Variants in NFIC observed in about 807,000 individuals in gnomAD.
NFIC encodes the protein nuclear factor I C.
NFIC carries 12 observed loss-of-function variants against 54.4 expected under a neutral mutation model. That is an observed-to-expected ratio of 0.22 (90% CI 0.14 to 0.36). NFIC has a LOEUF of 0.36. Among genes scored for constraint, NFIC ranks in the 10% least tolerant of loss-of-function variants. NFIC has a pLI of 1.00. For missense variants in NFIC, 575 were observed against 718.2 expected (o/e 0.80, Z 2.28); for synonymous variants, 322 against 319.2 (o/e 1.01, Z -0.09).
At chr19:3,451,509 C>G (rs915253658) in intron 7 of NFIC, among the ~76,000 whole-genome samples, 1 of 151,716 alleles carries the variant, frequency 6.6e-6, no homozygotes, top group Admixed American at 6.6e-5. Context: ...TGGCACACGC[C>G]GGCAGTCCGT....
intron 1 of NFIC, among the ~76,000 whole-genome samples, chr19:3,380,790 C>T (rs1300875958): frequency 6.6e-6 from 1 of 151,968 alleles, no homozygotes; most frequent in African/African-American, 2.4e-5. Flanking sequence ...AACCACCATA[C>T]CTGGCTAATT....
In NFIC at chr19:3,434,452, C is replaced by T. The variant is rs756633217; in HGVS notation, c.833+52C>T. On this transcript the variant is annotated intron_variant, in intron 5 of 10. Coordinates refer to ENST00000443272, the MANE Select transcript of NFIC (RefSeq NM_001245002.2). Reference sequence around the variant, plus strand: ...GCATTTCATGACCCCATTCATCAACCCATCCCCTCTGGCCCGAGCTGACTC... The same window carrying T: ...GCATTTCATGACCCCATTCATCAACTCATCCCCTCTGGCCCGAGCTGACTC... 11 of 1,542,920 alleles carry T rather than the reference C, an allele frequency of 7.1e-6. No individual in the cohort carries two copies. In the African/African-American group the frequency reaches 1.4e-4, roughly 19 times the overall value.
At chr19:3,381,395 CAAAAA>C (rs71164686) in intron 1 of NFIC, among the ~76,000 whole-genome samples, 1 of 100,924 alleles carries the variant, frequency 9.9e-6, no homozygotes. Context: ...GACTCCGTCT[CAAAAA>C]AAAAAAAAAA....
At chr19:3,384,703 ATC>A (rs2081265802) in intron 2 of NFIC, among the ~76,000 whole-genome samples, 1 of 152,126 alleles carries the variant, frequency 6.6e-6, no homozygotes, top group African/African-American at 2.4e-5. Flanking sequence ...CCCAGTCTTG[ATC>A]TTGATTCTTT....
In NFIC at chr19:3,359,767, T is replaced by G. The variant is rs531157844; in HGVS notation, c.3+82T>G. 1,575 of 1,305,346 alleles carry G rather than the reference T, an allele frequency of 1.2e-3. 10 individuals carry two copies. Among genetic ancestry groups the G allele is most frequent in the East Asian group, 8.6e-3 (258 of 30,146 alleles). 80.9% of individuals were successfully genotyped at this position (1,305,346 alleles called of 1,614,324 possible). On this transcript the variant is annotated intron_variant, in intron 1 of 9. Transcript: ENST00000395111. ...GGCTCCGGGCGAAAGTTGCAAGATC[T>G]GGGGGGACAGGGGGCGGGGGCCGCC...
chr19:3,401,323 G>A (rs1019106280), intron 2 of NFIC, among the ~76,000 whole-genome samples: 3 of 152,044 alleles, frequency 2.0e-5, no homozygotes, highest in Admixed American at 6.6e-5. Context: ...AGGACAGACT[G>A]TGGGGGGTGA....
At chr19:3,386,060 T>G (rs2081291090) in intron 2 of NFIC, among the ~76,000 whole-genome samples, 2 of 151,224 alleles carry the variant, frequency 1.3e-5, no homozygotes, top group African/African-American at 4.9e-5. Flanking sequence ...CCTTATGCAT[T>G]CCCTGGACAT....
rs921150759 is a variant in NFIC, at chr19:3,463,188, C to G, written c.*419C>G. On this transcript the variant is annotated 3_prime_UTR_variant, in exon 11 of 11. Transcript: ENST00000443272. Reference sequence around the variant, plus strand: ...CGCCCGCGCCCCGGAGGCCCTGGCTCTGTCCGGAGACCAGGTGAGCACAGC... The same window carrying G: ...CGCCCGCGCCCCGGAGGCCCTGGCTGTGTCCGGAGACCAGGTGAGCACAGC... 2.1e-5 allele frequency: 22 copies of G among 1,060,330 alleles called. No homozygotes were observed. The highest frequency in any genetic ancestry group is 2.4e-5 in the Non-Finnish European group (21 of 878,108). The allele number at this position is 1,060,330 out of a possible 1,614,324, so 65.7% of individuals were successfully genotyped here.
chr19:3,391,562 C>T (rs534118502), intron 2 of NFIC, among the ~76,000 whole-genome samples: 14 of 151,742 alleles, frequency 9.2e-5, no homozygotes, highest in African/African-American at 1.2e-4. Context: ...TTTGGGAGGC[C>T]GAGGCAGGCA....
At chr19:3,385,986 C>T (rs548112214) in intron 2 of NFIC, among the ~76,000 whole-genome samples, 3 of 151,996 alleles carry the variant, frequency 2.0e-5, no homozygotes, top group Non-Finnish European at 4.4e-5. Flanking sequence ...GGATTACAGG[C>T]GTGACCCCCT....
intron 6 of NFIC, among the ~76,000 whole-genome samples, chr19:3,448,332 C>G (rs1018208108): frequency 1.3e-5 from 2 of 152,234 alleles, no homozygotes; most frequent in African/African-American, 4.8e-5. Context: ...CTCAGCCTCC[C>G]AAAGCACTGG....
At chr19:3,372,060 G>A (rs985716804) in intron 1 of NFIC, among the ~76,000 whole-genome samples, 30 of 122,742 alleles carry the variant, frequency 2.4e-4, no homozygotes, top group African/African-American at 8.2e-4. Context: ...TTGCACTGTC[G>A]CCCAGGCTGG....
chr19:3,463,906 C>T lies in NFIC; in HGVS notation c.*1137C>T. On this transcript the variant is annotated 3_prime_UTR_variant, in exon 11 of 11. Coordinates refer to ENST00000443272, the MANE Select transcript of NFIC (RefSeq NM_001245002.2). ...CACGGAATGGCCGCGGGCCTCCTCC[C>T]CCTCCCCTCCAGCCTCTCCACCAGC... The T allele has an allele frequency of 2.1e-6, 2 of 965,964 alleles. No homozygotes were observed. Among genetic ancestry groups the T allele is most frequent in the Non-Finnish European group, 2.5e-6 (2 of 812,464 alleles). 59.8% of individuals were successfully genotyped at this position (965,964 alleles called of 1,614,324 possible). A position where few individuals can be genotyped will look rare whatever the true frequency, so the allele number is the denominator to read the frequency against.
At chr19:3,439,963 C>T (rs978560686) in intron 6 of NFIC, among the ~76,000 whole-genome samples, 1 of 152,136 alleles carries the variant, frequency 6.6e-6, no homozygotes, top group African/African-American at 2.4e-5. Flanking sequence ...GCTGGGATTA[C>T]AGGCGTGAGC....
At chr19:3,432,352 G>C (rs1274386990) in intron 3 of NFIC, among the ~76,000 whole-genome samples, 1 of 152,170 alleles carries the variant, frequency 6.6e-6, no homozygotes, top group Non-Finnish European at 1.5e-5. Context: ...ATTGCTGGGT[G>C]CCAAGCTCTG....
In NFIC at chr19:3,463,494, TGCCTGCCGCGGG is replaced by T; in HGVS notation, c.*730_*741del. On this transcript the variant is annotated 3_prime_UTR_variant, in exon 11 of 11. Transcript: ENST00000443272. ...CACCTGCTGCCCCTCGAGGGGGCCC[TGCCTGCCGCGGG>T]GCCTCCCCACAAGCCCCTCCCAAAG... 1.0e-6 allele frequency: 1 copy of T among 985,052 alleles called. No individual in the cohort carries two copies. Among genetic ancestry groups the T allele is most frequent in the Non-Finnish European group, 1.2e-6 (1 of 829,872 alleles). 61.0% of individuals were successfully genotyped at this position (985,052 alleles called of 1,614,324 possible).
chr19:3,429,692 G>A (rs929928356), intron 3 of NFIC, among the ~76,000 whole-genome samples: 4 of 152,040 alleles, frequency 2.6e-5, no homozygotes, highest in Non-Finnish European at 5.9e-5. Flanking sequence ...CCTGGGGGCC[G>A]GGAGAGGAAC....
chr19:3,360,874 G>A (rs116105316), intron 1 of NFIC, among the ~76,000 whole-genome samples: 188 of 152,278 alleles, frequency 1.2e-3, no homozygotes, highest in African/African-American at 4.4e-3. Context: ...GAGAACTGTC[G>A]AGTGGCCGCG....
chr19:3,385,360 C>T (rs929552789), intron 2 of NFIC, among the ~76,000 whole-genome samples: 3 of 152,026 alleles, frequency 2.0e-5, no homozygotes, highest in Non-Finnish European at 2.9e-5. Flanking sequence ...TGTCTATAAA[C>T]TGGGGGGCTC....
Sources: allele counts gnomAD v4.1 joint callset (sites outside exome capture counted in the v4.1 genomes callset), GRCh38; gene constraint gnomAD v4.1.1; transcripts MANE v1.5; gene names NCBI Gene and HGNC (gene_info 2026-07-23, HGNC 2026-07-21).